FOXO1: variants seen among roughly 807,000 people sequenced by gnomAD.
FOXO1 encodes the protein forkhead box O1.
A neutral mutation model predicts 44.1 loss-of-function variants in FOXO1; 6 were observed. That is an observed-to-expected ratio of 0.14 (90% CI 0.07 to 0.27). FOXO1 has a LOEUF of 0.27. Ranked by LOEUF, FOXO1 falls within the 10% of genes least tolerant of loss-of-function variation. The probability of loss-of-function intolerance (pLI) is 1.00; values close to 1 mark genes in which losing one functional copy is unlikely to be tolerated. For missense variants in FOXO1, 737 were observed against 888.8 expected, an observed-to-expected ratio of 0.83 and a Z score of 2.17; for synonymous variants, 380 against 362.7, an observed-to-expected ratio of 1.05 and a Z score of -0.54.
At chr13:40,626,684 GCT>G (rs1566079170) in intron 1 of FOXO1, among the ~76,000 whole-genome samples, 1 of 152,102 alleles carries the variant, frequency 6.6e-6, no homozygotes, top group East Asian at 1.9e-4. Flanking sequence ...GTCTCCATAT[GCT>G]CTCTCATTGG....
At chr13:40,599,251 G>A (rs895280860) in intron 1 of FOXO1, among the ~76,000 whole-genome samples, 1 of 150,190 alleles carries the variant, frequency 6.7e-6, no homozygotes, top group Middle Eastern at 3.5e-3. Context: ...TCTGTTTGCA[G>A]AGTTAGTCTT....
rs140386357 is a variant in FOXO1, at chr13:40,560,022, C to T, written c.1469G>A (p.Arg490Gln). ...CATCATGACGTTCTGGCCCAGAACCCGGCTGTTGGGCTGGGCTACCCCAGG... is the reference window on the plus strand; with the variant it reads ...CATCATGACGTTCTGGCCCAGAACCTGGCTGTTGGGCTGGGCTACCCCAGG... ...VDPGVAQPNS[R>Q]VLGQNVMMGP... The change falls in exon 2 of 3, where the codon CGG becomes CAG. Residue 490 changes from arginine (R) to glutamine (Q), a missense_variant. Physicochemically the swap from Arg to Gln is conservative, Grantham distance 43. Around this residue, in one of 7 missense-constraint regions of FOXO1, gnomAD observed 283 missense variants for 278.1 expected, o/e 1.02. Transcript: ENST00000379561. The surrounding 1 kb of genome is among the most constrained non-coding windows in gnomAD (Gnocchi z 5.1). 24 of 1,613,806 alleles carry T rather than the reference C, an allele frequency of 1.5e-5. No individual in the cohort carries two copies. The highest frequency in any genetic ancestry group is 9.9e-5 in the South Asian group (9 of 91,072).
intron 1 of FOXO1, among the ~76,000 whole-genome samples, chr13:40,577,464 C>T (rs533721676): frequency 2.6e-5 from 4 of 152,216 alleles, no homozygotes; most frequent in African/African-American, 9.6e-5. Context: ...ACAAAGAAAC[C>T]TTAGCAGACA....
chr13:40,654,362 C>A, intron 1 of FOXO1, among the ~76,000 whole-genome samples: 1 of 128,704 alleles, frequency 7.8e-6, no homozygotes, highest in Admixed American at 8.1e-5. Context: ...ATTAGCCAGG[C>A]GTGGTGGTGG....
At chr13:40,619,848 G>A in intron 1 of FOXO1, 1 of 754,048 alleles carries the variant, frequency 1.3e-6, no homozygotes, top group Non-Finnish European at 2.5e-6. Flanking sequence ...GCTAACTCAG[G>A]CAAAGGGAGG....
intron 1 of FOXO1, among the ~76,000 whole-genome samples, chr13:40,653,179 G>C (rs1156717348): frequency 6.6e-6 from 1 of 152,056 alleles, no homozygotes; most frequent in East Asian, 1.9e-4. Context: ...CATGTTGCCA[G>C]GCTTGTCTCG....
chr13:40,662,741 A>T (rs1878078158), intron 1 of FOXO1, among the ~76,000 whole-genome samples: 1 of 152,258 alleles, frequency 6.6e-6, no homozygotes, highest in Non-Finnish European at 1.5e-5. Context: ...TTAAAGATTC[A>T]GCCTAATTCC....
At chr13:40,662,387 G>A (rs1465640590) in intron 1 of FOXO1, among the ~76,000 whole-genome samples, 3 of 151,878 alleles carry the variant, frequency 2.0e-5, no homozygotes, top group Non-Finnish European at 2.9e-5. Context: ...CCAAGCTTTA[G>A]AAGGCTTTCT....
chr13:40,611,044 G>C (rs751764163), intron 1 of FOXO1: 44 of 456,046 alleles, frequency 9.6e-5, no homozygotes, highest in Non-Finnish European at 1.6e-4. Flanking sequence ...TCAACTGAAC[G>C]TGAGGAGAAA....
chr13:40,595,346 T>C (rs1206442166), intron 1 of FOXO1, among the ~76,000 whole-genome samples: 2 of 152,202 alleles, frequency 1.3e-5, no homozygotes, highest in Non-Finnish European at 2.9e-5. Flanking sequence ...CTTCTCATAC[T>C]TGAACATACA....
At chr13:40,574,715 ATT>A (rs955729301) in intron 1 of FOXO1, among the ~76,000 whole-genome samples, 2 of 152,172 alleles carry the variant, frequency 1.3e-5, no homozygotes, top group Non-Finnish European at 2.9e-5. Context: ...GAGAAAACTA[ATT>A]TAGCTAAATT....
At chr13:40,616,737 T>C (rs1876435844) in intron 1 of FOXO1, among the ~76,000 whole-genome samples, 1 of 152,262 alleles carries the variant, frequency 6.6e-6, no homozygotes, top group African/African-American at 2.4e-5. Context: ...TGAGGCTGCA[T>C]GCAAGGGGTG....
intron 1 of FOXO1, among the ~76,000 whole-genome samples, chr13:40,586,182 C>A (rs1566068038): frequency 6.6e-6 from 1 of 152,144 alleles, no homozygotes; most frequent in Non-Finnish European, 1.5e-5. Flanking sequence ...TAAATAATAA[C>A]AAAACAGTCT....
At chr13:40,660,984 CAACAAA>C (rs1472443059) in intron 1 of FOXO1, among the ~76,000 whole-genome samples, 2 of 131,122 alleles carry the variant, frequency 1.5e-5, no homozygotes, top group South Asian at 2.6e-4. Flanking sequence ...ACAACAACAA[CAACAAA>C]AATGAGAATC....
intron 1 of FOXO1, among the ~76,000 whole-genome samples, chr13:40,596,808 A>G (rs1223601962): frequency 1.3e-5 from 2 of 152,212 alleles, no homozygotes; most frequent in African/African-American, 4.8e-5. Flanking sequence ...ACATCTAAGC[A>G]CTGTAGTATA....
intron 1 of FOXO1, among the ~76,000 whole-genome samples, chr13:40,644,916 C>T (rs1237724864): frequency 2.0e-5 from 3 of 152,224 alleles, no homozygotes; most frequent in Admixed American, 2.0e-4. Flanking sequence ...AGTTACTAAT[C>T]TTAGCATTCA....
At chr13:40,584,761 C>T (rs1292832205) in intron 1 of FOXO1, among the ~76,000 whole-genome samples, 1 of 152,222 alleles carries the variant, frequency 6.6e-6, no homozygotes, top group Non-Finnish European at 1.5e-5. Flanking sequence ...ATTCCCCTTT[C>T]CTGAAGGCAA....
chr13:40,560,815 C>T lies in FOXO1; in HGVS notation c.676G>A (p.Val226Met), dbSNP rs1873980401. The T allele has an allele frequency of 1.2e-6, 2 of 1,613,184 alleles. No individual in the cohort carries two copies. Among genetic ancestry groups the T allele is most frequent in the Non-Finnish European group, 1.7e-6 (2 of 1,179,454 alleles). ...NLSLHSKFIR[V>M]QNEGTGKSSW... ...CTTTTTCCAGTTCCTTCATTCTGCACACGAATGAACTTGCTGTGTAGGGAC... is the reference window on the plus strand; with the variant it reads ...CTTTTTCCAGTTCCTTCATTCTGCATACGAATGAACTTGCTGTGTAGGGAC... Residue 226 changes from valine (V) to methionine (M), a missense_variant, in exon 2 of 3, where the codon GTG (valine) becomes ATG (methionine). Coordinates refer to ENST00000379561, the MANE Select transcript of FOXO1 (RefSeq NM_002015.4). The surrounding 1 kb of genome is among the most constrained non-coding windows in gnomAD (Gnocchi z 5.1).
intron 1 of FOXO1, among the ~76,000 whole-genome samples, chr13:40,653,477 T>C (rs1038894992): frequency 1.4e-4 from 22 of 152,206 alleles, no homozygotes; most frequent in Non-Finnish European, 1.8e-4. Context: ...AAAACCAATA[T>C]GAAAGGAGAG....
Sources: allele counts gnomAD v4.1 joint callset (sites outside exome capture counted in the v4.1 genomes callset), GRCh38; gene constraint gnomAD v4.1.1; regional missense constraint gnomAD v4.1.1; non-coding constraint Gnocchi (gnomAD v3.1); transcripts MANE v1.5; gene names NCBI Gene and HGNC (gene_info 2026-07-23, HGNC 2026-07-21).